Variants in PLPPR1 observed in about 807,000 individuals in gnomAD.
The protein encoded by PLPPR1 is phospholipid phosphatase related 1, also known as phospholipid phosphatase-related protein type 1.
Under a neutral mutation model 33.1 loss-of-function variants are expected in PLPPR1, and 10 were observed. That is an observed-to-expected ratio of 0.30 (90% confidence interval 0.19 to 0.51). The LOEUF is 0.51. Ranked by LOEUF, PLPPR1 falls within the 20% of genes least tolerant of loss-of-function variation. PLPPR1 has a pLI of 0.97. For synonymous variants in PLPPR1, 151 were observed against 151.0 expected (o/e 1.00, Z 0.00); for missense variants, 304 against 408.1 (o/e 0.74, Z 2.20).
chr9:101,059,849 C>T (rs1304409059), intron 1 of PLPPR1, among the ~76,000 whole-genome samples: 3 of 151,982 alleles, frequency 2.0e-5, no homozygotes, highest in African/African-American at 7.2e-5. Context: ...AAAGGGAACC[C>T]TTGCACACCA....
At chr9:101,141,868 G>A (rs1460892027) in intron 1 of PLPPR1, among the ~76,000 whole-genome samples, 1 of 152,044 alleles carries the variant, frequency 6.6e-6, no homozygotes, top group Non-Finnish European at 1.5e-5. Context: ...CCCCACCCCA[G>A]ATCAACCCCA....
chr9:101,078,415 C>T (rs1376245015), intron 1 of PLPPR1, among the ~76,000 whole-genome samples: 1 of 152,038 alleles, frequency 6.6e-6, no homozygotes, highest in Non-Finnish European at 1.5e-5. Flanking sequence ...ATACAACTTC[C>T]TTCCTGATCT....
At chr9:101,127,985 G>A (rs1831266531) in intron 1 of PLPPR1, among the ~76,000 whole-genome samples, 1 of 152,214 alleles carries the variant, frequency 6.6e-6, no homozygotes, top group Non-Finnish European at 1.5e-5. Flanking sequence ...ATTGGGCTGT[G>A]TAGGTGATAC....
At chr9:101,143,811 A>T (rs554488174) in intron 1 of PLPPR1, among the ~76,000 whole-genome samples, 61 of 152,314 alleles carry the variant, frequency 4.0e-4, no homozygotes, top group African/African-American at 1.2e-3. Flanking sequence ...GAGAAATAGG[A>T]ACACTTTTAC....
intron 1 of PLPPR1, among the ~76,000 whole-genome samples, chr9:101,109,134 ATTTTT>A (rs67666339): frequency 1.0e-3 from 101 of 99,738 alleles, no homozygotes; most frequent in African/African-American, 3.7e-3. Context: ...AATTTTTTGT[ATTTTT>A]TTTTTTTTTT....
chr9:101,304,331 T>C (rs1828809016), intron 4 of PLPPR1, among the ~76,000 whole-genome samples: 1 of 152,348 alleles, frequency 6.6e-6, no homozygotes, highest in Non-Finnish European at 1.5e-5. Flanking sequence ...TCTGTTAATC[T>C]CTAAAGTTTC....
At chr9:101,070,887 G>T (rs1649120819) in intron 1 of PLPPR1, among the ~76,000 whole-genome samples, 1 of 152,084 alleles carries the variant, frequency 6.6e-6, no homozygotes, top group African/African-American at 2.4e-5. Context: ...CTTCAAAGAG[G>T]TGCTTCACAT....
intron 1 of PLPPR1, among the ~76,000 whole-genome samples, chr9:101,049,779 A>G (rs1434027996): frequency 6.6e-6 from 1 of 151,906 alleles, no homozygotes; most frequent in Non-Finnish European, 1.5e-5. Context: ...AACCATATAT[A>G]TGTGTATGTA....
At chr9:101,114,399 G>A in intron 1 of PLPPR1, among the ~76,000 whole-genome samples, 1 of 152,192 alleles carries the variant, frequency 6.6e-6, no homozygotes, top group South Asian at 2.1e-4. Flanking sequence ...TCTGATTTAA[G>A]GAGACCTTAA....
chr9:101,290,681 TA>T (rs529245557), intron 4 of PLPPR1, among the ~76,000 whole-genome samples: 1 of 152,220 alleles, frequency 6.6e-6, no homozygotes, highest in Admixed American at 6.5e-5. Context: ...CTAATTTTTT[TA>T]AAAAAATGAG....
intron 1 of PLPPR1, among the ~76,000 whole-genome samples, chr9:101,103,231 T>A (rs962757604): frequency 2.4e-5 from 3 of 127,630 alleles, no homozygotes; most frequent in African/African-American, 9.2e-5. Context: ...TACGCCTATG[T>A]CCTGAATGGT....
intron 2 of PLPPR1, among the ~76,000 whole-genome samples, chr9:101,246,156 A>G (rs1391882034): frequency 6.7e-6 from 1 of 148,510 alleles, no homozygotes. Flanking sequence ...AGGGAAAATG[A>G]CATTTAAATG....
intron 2 of PLPPR1, among the ~76,000 whole-genome samples, chr9:101,253,651 G>A (rs559601915): frequency 6.6e-6 from 1 of 152,238 alleles, no homozygotes; most frequent in South Asian, 2.1e-4. Context: ...GAGAAAGGCA[G>A]TATTTTGGGT....
intron 2 of PLPPR1, among the ~76,000 whole-genome samples, chr9:101,244,574 AT>A (rs1293032974): frequency 3.1e-5 from 2 of 65,346 alleles, no homozygotes; most frequent in East Asian, 6.3e-3. Flanking sequence ...TATCTCTATG[AT>A]TTAAAAAAAA....
At chr9:101,270,866 T>C (rs992500208) in intron 3 of PLPPR1, among the ~76,000 whole-genome samples, 14 of 152,148 alleles carry the variant, frequency 9.2e-5, no homozygotes, top group African/African-American at 2.9e-4. Context: ...ATTCCCCTCC[T>C]TCTCTTCTAA....
intron 1 of PLPPR1, among the ~76,000 whole-genome samples, chr9:101,063,428 C>T (rs1375047768): frequency 1.3e-5 from 2 of 152,018 alleles, no homozygotes; most frequent in African/African-American, 2.4e-5. Context: ...GTGGCACTTC[C>T]ACCCACATGC....
intron 2 of PLPPR1, among the ~76,000 whole-genome samples, chr9:101,214,703 A>G (rs1826753883): frequency 6.6e-6 from 1 of 152,206 alleles, no homozygotes; most frequent in Non-Finnish European, 1.5e-5. Flanking sequence ...AAGAATCAAC[A>G]AACTATATTA....
intron 2 of PLPPR1, among the ~76,000 whole-genome samples, chr9:101,192,460 G>C (rs77259480): frequency 0.018 from 2,776 of 152,220 alleles, 86 homozygotes; most frequent in African/African-American, 0.06. Context: ...TAAACTTGGG[G>C]AATTTCTTTG....
At chr9:101,293,057 CATCTCA>C (rs1767441409) in intron 4 of PLPPR1, among the ~76,000 whole-genome samples, 1 of 151,950 alleles carries the variant, frequency 6.6e-6, no homozygotes, top group South Asian at 2.1e-4. Flanking sequence ...TCAGGAAACC[CATCTCA>C]TGTGCAGAGA....
Sources: gnomAD v4.1 joint callset for allele counts (sites outside exome capture counted in the v4.1 genomes callset) on GRCh38, gnomAD v4.1.1 for gene constraint, MANE v1.5 for transcripts, NCBI Gene and HGNC (gene_info 2026-07-23, HGNC 2026-07-21) for gene names.